Variants in CHD6 observed in about 807,000 individuals in gnomAD.
CHD6 encodes the protein chromodomain helicase DNA binding protein 6.
Under a neutral mutation model 276.9 loss-of-function variants are expected in CHD6, and 50 were observed. The observed-to-expected ratio is 0.18, with a 90% confidence interval of 0.14 to 0.23. The LOEUF is 0.23. Among genes scored for constraint, CHD6 ranks in the 10% least tolerant of loss-of-function variants. The probability of loss-of-function intolerance (pLI) is 1.00; values close to 1 mark genes in which losing one functional copy is unlikely to be tolerated. For missense variants in CHD6, 2,564 were observed against 3,365.8 expected, an observed-to-expected ratio of 0.76 and a Z score of 5.89; for synonymous variants, 1,173 against 1,229.3, an observed-to-expected ratio of 0.95 and a Z score of 0.96.
intron 19 of CHD6, among the ~76,000 whole-genome samples, chr20:41,455,539 G>A (rs1325511307): frequency 6.6e-6 from 1 of 152,196 alleles, no homozygotes; most frequent in Admixed American, 6.5e-5. Flanking sequence ...AGAGCCAACT[G>A]AGAATAGGAG....
intron 16 of CHD6, 65 bp downstream of exon 16, chr20:41,483,244 C>A: frequency 7.1e-7 from 1 of 1,409,030 alleles, no homozygotes; most frequent in Non-Finnish European, 9.5e-7. Context: ...TTGAATGGAT[C>A]AAAAAAATAT....
Position 41,425,272 on chromosome 20 carries a change from T to C in CHD6, c.4252A>G (p.Ile1418Val). The C allele has an allele frequency of 6.2e-7, 1 of 1,614,206 alleles. No individual in the cohort carries two copies. The highest frequency in any genetic ancestry group is 2.2e-5 in the East Asian group (1 of 44,878). Residue 1418 changes from isoleucine (I) to valine (V), a missense_variant, in exon 29 of 37, where the codon ATT (isoleucine) becomes GTT (valine). Physicochemically the swap from Ile to Val is conservative, Grantham distance 29 (BLOSUM62 3). Coordinates refer to ENST00000373233, the MANE Select transcript of CHD6 (RefSeq NM_032221.5). The part of the protein sequence containing the change: ...CNRKELCRPE[I>V]LGPGNQGYWV... ...TATCCTTGGTTACCTGGTCCCAGAA[T>C]TTCAGGCCGGCACAGTTCCTTGCGG...
chr20:41,547,974 C>G (rs2045075205), intron 2 of CHD6: 1 of 264,908 alleles, frequency 3.8e-6, no homozygotes, highest in Admixed American at 4.6e-5. Context: ...CAAGGCTGAA[C>G]TTACCCAAAA....
chr20:41,616,978 G>A (rs1195336966), intron 1 of CHD6, among the ~76,000 whole-genome samples: 1 of 152,060 alleles, frequency 6.6e-6, no homozygotes, highest in African/African-American at 2.4e-5. Context: ...TTCCCCAAAC[G>A]CCACAAACAT....
rs775248336 is a variant in CHD6 at position 41,493,855 on chromosome 20, C to G, written c.1179+3G>C. ...AGATGCTTCAGGAGAGGCAAATACCCACCTCCCCTGTTTCTGCATCCTTGG... is the reference window on the plus strand; with the variant it reads ...AGATGCTTCAGGAGAGGCAAATACCGACCTCCCCTGTTTCTGCATCCTTGG... On this transcript the variant is annotated splice_donor_region_variant and intron_variant, in intron 9 of 36. Coordinates refer to ENST00000373233, the MANE Select transcript of CHD6 (RefSeq NM_032221.5). The G allele has an allele frequency of 3.1e-6, 5 of 1,611,338 alleles. No homozygotes were observed. The African/African-American group carries it at 6.7e-5, about 22-fold the overall frequency.
chr20:41,526,907 T>A (rs976562766), intron 3 of CHD6, among the ~76,000 whole-genome samples: 3 of 152,176 alleles, frequency 2.0e-5, no homozygotes, highest in Non-Finnish European at 4.4e-5. Context: ...CCAGACCTAA[T>A]CATTCTCTCT....
At chr20:41,408,315 A>C (rs920756702) in intron 36 of CHD6, among the ~76,000 whole-genome samples, 1 of 152,124 alleles carries the variant, frequency 6.6e-6, no homozygotes, top group African/African-American at 2.4e-5. Flanking sequence ...TTTCCACAGC[A>C]CACCACACCC....
intron 2 of CHD6, among the ~76,000 whole-genome samples, chr20:41,548,127 T>C (rs938408353): frequency 6.6e-6 from 1 of 152,364 alleles, no homozygotes; most frequent in South Asian, 2.1e-4. Context: ...AACTTGAACA[T>C]CATTTTCTAT....
At chr20:41,485,398 G>T (rs1446842717) in intron 14 of CHD6, among the ~76,000 whole-genome samples, 14 of 152,046 alleles carry the variant, frequency 9.2e-5, no homozygotes, top group Admixed American at 6.6e-4. Context: ...ACAAAATAAG[G>T]GAAGATGAAA....
At chr20:41,575,437 A>G (rs2045464154) in intron 1 of CHD6, among the ~76,000 whole-genome samples, 1 of 152,192 alleles carries the variant, frequency 6.6e-6, no homozygotes, top group South Asian at 2.1e-4. Flanking sequence ...AGAAACCTCA[A>G]GCTTTCTTCA....
In CHD6 at chr20:41,577,097, T is replaced by C. The variant is rs552808859; in HGVS notation, c.-23-25737A>G. Among the ~76,000 whole-genome samples, 51 of 152,298 alleles carry C rather than the reference T, an allele frequency of 3.3e-4. No homozygotes were observed. In the South Asian group the frequency reaches 0.01, roughly 31 times the overall value. ...TTTAAGAATTTGTTAAAATATAAGATACATTACTTCAACAACAACAAAAAA... is the reference window on the plus strand; with the variant it reads ...TTTAAGAATTTGTTAAAATATAAGACACATTACTTCAACAACAACAAAAAA... On this transcript the variant is annotated intron_variant, in intron 1 of 36. Coordinates refer to ENST00000373233, the MANE Select transcript of CHD6 (RefSeq NM_032221.5).
Position 41,421,526 on chromosome 20 carries a change from T to C in CHD6, c.5109A>G (p.Leu1703=). Residue 1703 remains leucine (L), a synonymous_variant, in exon 31 of 37, where the codon TTA becomes TTG. Transcript: ENST00000373233. ...CCTTCTTACCATACATCATGCTCTC[T>C]AAGGACTCAGGCAGCAGACTTTCAT... is the stretch of plus-strand genomic sequence containing the variant. ...NHDESLLPES[L]ESMMYGKKVL... The C allele has an allele frequency of 6.2e-7, 1 of 1,612,590 alleles. No individual in the cohort carries two copies. The highest frequency in any genetic ancestry group is 8.5e-7 in the Non-Finnish European group (1 of 1,179,336).
intron 35 of CHD6, among the ~76,000 whole-genome samples, chr20:41,412,788 G>A (rs931175851): frequency 6.6e-6 from 1 of 152,206 alleles, no homozygotes; most frequent in East Asian, 1.9e-4. Flanking sequence ...TCCTAAAAAT[G>A]TCTAGTCTGA....
At chr20:41,581,235 A>T (rs1009000101) in intron 1 of CHD6, among the ~76,000 whole-genome samples, 3 of 152,180 alleles carry the variant, frequency 2.0e-5, no homozygotes, top group Non-Finnish European at 4.4e-5. Flanking sequence ...CATTGTATAG[A>T]TGAGGACATT....
intron 5 of CHD6, among the ~76,000 whole-genome samples, chr20:41,507,263 A>G (rs910862980): frequency 6.6e-6 from 1 of 152,264 alleles, no homozygotes; most frequent in African/African-American, 2.4e-5. Context: ...GACCAAATCT[A>G]AAGAAACTTT....
chr20:41,502,772 G>A (rs2043866442), intron 5 of CHD6, among the ~76,000 whole-genome samples: 1 of 152,170 alleles, frequency 6.6e-6, no homozygotes, highest in Non-Finnish European at 1.5e-5. Context: ...TTGGGAGGTC[G>A]AGGCAGGTGG....
chr20:41,443,935 TG>T (rs2047980371), intron 25 of CHD6, among the ~76,000 whole-genome samples: 1 of 152,156 alleles, frequency 6.6e-6, no homozygotes, highest in Admixed American at 6.5e-5. Flanking sequence ...GTGGGTGTGT[TG>T]GGGTGGGGGA....
intron 25 of CHD6, among the ~76,000 whole-genome samples, chr20:41,444,463 C>T (rs2048002097): frequency 1.3e-5 from 2 of 152,208 alleles, no homozygotes; most frequent in Admixed American, 1.3e-4. Flanking sequence ...CCGGACAGCA[C>T]CGCTTTAGCC....
chr20:41,446,844 A>T (rs888639006), intron 24 of CHD6, among the ~76,000 whole-genome samples: 3 of 152,250 alleles, frequency 2.0e-5, no homozygotes, highest in African/African-American at 7.2e-5. Context: ...GAGGGTGGGC[A>T]GCAGACTTAC....
Sources: gnomAD v4.1 joint callset for allele counts (sites outside exome capture counted in the v4.1 genomes callset) on GRCh38, gnomAD v4.1.1 for gene constraint, MANE v1.5 for transcripts, NCBI Gene and HGNC (gene_info 2026-07-23, HGNC 2026-07-21) for gene names.